The following PRDM11 variants were observed in gnomAD, a reference collection of about 807,000 sequenced individuals.
PRDM11 encodes the protein PR/SET domain 11.
A neutral mutation model predicts 97.8 loss-of-function variants in PRDM11; 20 were observed. That is an observed-to-expected ratio of 0.20 (90% CI 0.14 to 0.30). The LOEUF (loss-of-function observed/expected upper bound fraction) is 0.30, where lower values mean the gene tolerates loss of function less well. Ranked by LOEUF, PRDM11 falls within the 10% of genes least tolerant of loss-of-function variation. The pLI is 1.00. For synonymous variants in PRDM11, 599 were observed against 637.7 expected, an observed-to-expected ratio of 0.94 and a Z score of 0.91; for missense variants, 1,139 against 1,555.2, an observed-to-expected ratio of 0.73 and a Z score of 4.50.
chr11:45,095,930 G>A, intron 1 of PRDM11: 1 of 779,082 alleles, frequency 1.3e-6, no homozygotes. Context: ...TAATGTGGGG[G>A]CTCCTCAAAA....
upstream of PRDM11, among the ~76,000 whole-genome samples, chr11:45,146,332 CTT>C (rs991290271): frequency 6.6e-6 from 1 of 152,218 alleles, no homozygotes; most frequent in Non-Finnish European, 1.5e-5. Flanking sequence ...CTCACAATGA[CTT>C]TATTAAAATT....
At chr11:45,183,242 C>A in intron 4 of PRDM11, 119 bp downstream of exon 4, 1 of 1,320,122 alleles carries the variant, frequency 7.6e-7, no homozygotes, top group Non-Finnish European at 1.0e-6. Context: ...GCTTCTGGAC[C>A]TGTCGATGAT....
At chr11:45,198,095 G>A (rs1853195754) in intron 4 of PRDM11, among the ~76,000 whole-genome samples, 1 of 152,128 alleles carries the variant, frequency 6.6e-6, no homozygotes, top group South Asian at 2.1e-4. Context: ...AGGGCAGATG[G>A]GTTAAATCAT....
At chr11:45,205,674 T>C (rs1853482851) in intron 5 of PRDM11, among the ~76,000 whole-genome samples, 1 of 152,130 alleles carries the variant, frequency 6.6e-6, no homozygotes. Context: ...GGGATTGTAC[T>C]TGGAGAGAGG....
chr11:45,225,956 C>G, intron 7 of PRDM11, 39 bp from the exon 8 acceptor site: 4 of 1,447,784 alleles, frequency 2.8e-6, no homozygotes, highest in Non-Finnish European at 3.6e-6. Flanking sequence ...CCTGTTTTCT[C>G]CCCCAGGTAT....
upstream of PRDM11, among the ~76,000 whole-genome samples, chr11:45,146,321 C>T (rs1851507034): frequency 1.3e-5 from 2 of 152,234 alleles, no homozygotes; most frequent in South Asian, 4.1e-4. Flanking sequence ...AGGGAGCCCC[C>T]CTCACAATGA....
Position 45,117,166 on chromosome 11 carries a change from G to A in PRDM11, c.96+21265G>A, listed in dbSNP as rs186675116. 3.5e-5 allele frequency among the ~76,000 whole-genome samples: 5 copies of A among 141,824 alleles called. No homozygotes were observed. In the East Asian group the frequency reaches 8.3e-4, roughly 23 times the overall value. 93.0% of individuals were successfully genotyped at this position (141,824 alleles called of 152,430 possible). On this transcript the variant is annotated intron_variant, in intron 1 of 6. Coordinates refer to the PRDM11 transcript ENST00000530656. ...TTGAACCTGGGAGGCAGGTTGCAAT[G>A]AGCCGAGATAATACCACTGCACTCC...
At chr11:45,177,687 A>T (rs1296212195) in intron 1 of PRDM11, among the ~76,000 whole-genome samples, 1 of 152,210 alleles carries the variant, frequency 6.6e-6, no homozygotes, top group Non-Finnish European at 1.5e-5. Context: ...GCCAGCTCCA[A>T]GAGTAGAAAG....
intron 5 of PRDM11, among the ~76,000 whole-genome samples, chr11:45,207,167 G>A (rs1035059083): frequency 3.9e-5 from 6 of 152,188 alleles, no homozygotes; most frequent in South Asian, 2.1e-4. Context: ...TTGGAGTGAC[G>A]GGAAAGCTGT....
intron 2 of PRDM11, 21 bp downstream of exon 2, chr11:45,181,906 C>G (rs1852519588): frequency 1.2e-6 from 2 of 1,601,420 alleles, no homozygotes; most frequent in Non-Finnish European, 1.7e-6. Context: ...TGTGTGGGAA[C>G]TGGAGAGGGA....
intron 1 of PRDM11, among the ~76,000 whole-genome samples, chr11:45,119,350 G>A (rs527597380): frequency 9.2e-5 from 14 of 152,160 alleles, no homozygotes; most frequent in Admixed American, 2.6e-4. Flanking sequence ...TAAGGCGGCC[G>A]GGCGCGGTGG....
chr11:45,122,437 C>T (rs1172795872), intron 1 of PRDM11, among the ~76,000 whole-genome samples: 2 of 150,580 alleles, frequency 1.3e-5, no homozygotes, highest in East Asian at 3.9e-4. Flanking sequence ...TGTACTGCAC[C>T]CATTAACTCG....
At chr11:45,155,473 G>A (rs1851770930) in intron 1 of PRDM11, among the ~76,000 whole-genome samples, 1 of 152,168 alleles carries the variant, frequency 6.6e-6, no homozygotes, top group Admixed American at 6.5e-5. Context: ...GAGGTGGTTG[G>A]CTGGGGCTTG....
At position 45,117,841 on chromosome 11, in the gene PRDM11, A is replaced by G. The variant is rs117782665; in HGVS notation, c.96+21940A>G. On this transcript the variant is annotated intron_variant, in intron 1 of 6. Transcript: ENST00000530656. ...GTGACTTCGTTCCGACGAGTACAGTATGGAAAGAAGGGAAAACGAGTAACT... is the reference window on the plus strand; with the variant it reads ...GTGACTTCGTTCCGACGAGTACAGTGTGGAAAGAAGGGAAAACGAGTAACT... Among the ~76,000 whole-genome samples the G allele has an allele frequency of 5.2e-4, 79 of 152,352 alleles. No individual in the cohort carries two copies. The East Asian group carries it at 0.014, about 27-fold the overall frequency.
chr11:45,114,276 T>G (rs551861240), intron 1 of PRDM11, among the ~76,000 whole-genome samples: 1 of 152,064 alleles, frequency 6.6e-6, no homozygotes, highest in Non-Finnish European at 1.5e-5. Flanking sequence ...GAAATAGAAA[T>G]TCTAGACTTG....
intron 1 of PRDM11, among the ~76,000 whole-genome samples, chr11:45,120,475 GA>G (rs146128571): frequency 0.039 from 5,985 of 151,894 alleles, 414 homozygotes; most frequent in African/African-American, 0.14. Context: ...GCTGCTAGAG[GA>G]AAAAAGGAAC....
At chr11:45,191,941 A>G (rs771888682) in intron 4 of PRDM11, among the ~76,000 whole-genome samples, 3 of 152,204 alleles carry the variant, frequency 2.0e-5, no homozygotes, top group Non-Finnish European at 2.9e-5. Flanking sequence ...ACAACCCGTC[A>G]TCTAGGTTTT....
chr11:45,120,692 T>G (rs1244028032), intron 1 of PRDM11, among the ~76,000 whole-genome samples: 4 of 130,168 alleles, frequency 3.1e-5, no homozygotes. Flanking sequence ...CAAAAGAGAG[T>G]CTGTCCTTCA....
At chr11:45,163,961 GGCAGCCA>G (rs1851996467) in intron 1 of PRDM11, among the ~76,000 whole-genome samples, 1 of 152,142 alleles carries the variant, frequency 6.6e-6, no homozygotes, top group South Asian at 2.1e-4. Context: ...CCTGAGGTTT[GGCAGCCA>G]GCAGCCAGCA....
Sources: allele counts gnomAD v4.1 joint callset (sites outside exome capture counted in the v4.1 genomes callset), GRCh38; gene constraint gnomAD v4.1.1; transcripts MANE v1.5; gene names NCBI Gene and HGNC (gene_info 2026-07-23, HGNC 2026-07-21).